SORL1: variants seen among roughly 807,000 people sequenced by gnomAD.
SORL1 encodes the protein sortilin-related receptor.
Under a neutral mutation model 273.7 loss-of-function variants are expected in SORL1, and 127 were observed. The ratio of observed to expected loss-of-function variants is 0.46; its 90% CI spans 0.40 to 0.54. SORL1 has a LOEUF of 0.54. Among genes scored for constraint, SORL1 ranks in the 20% least tolerant of loss-of-function variants. The pLI is 0.00. For synonymous variants in SORL1, 1,031 were observed against 1,067.4 expected, an observed-to-expected ratio of 0.97 and a Z score of 0.66; for missense variants, 2,494 against 2,846.1, an observed-to-expected ratio of 0.88 and a Z score of 2.81.
intron 32 of SORL1, 104 bp from the exon 33 acceptor site, chr11:121,604,089 C>T: frequency 1.4e-6 from 2 of 1,407,676 alleles, no homozygotes; most frequent in Admixed American, 1.9e-5. Flanking sequence ...TGTTTTGAAG[C>T]AGAAGCCAAT....
intron 43 of SORL1, among the ~76,000 whole-genome samples, 175 bp from the exon 44 acceptor site, chr11:121,620,889 G>A (rs1170686599): frequency 2.6e-5 from 4 of 152,220 alleles, no homozygotes; most frequent in Non-Finnish European, 5.9e-5. Flanking sequence ...GTTATTTTAA[G>A]ATTGGATCTG....
intron 44 of SORL1, among the ~76,000 whole-genome samples, chr11:121,621,489 G>A (rs888555653): frequency 2.1e-4 from 32 of 152,198 alleles, no homozygotes; most frequent in African/African-American, 7.5e-4. Flanking sequence ...AACTCCCCTC[G>A]CTGGTTTTGA....
Position 121,486,886 on chromosome 11 carries a change from G to A in SORL1, c.529-1146G>A, listed in dbSNP as rs186065023. Among the ~76,000 whole-genome samples the A allele has an allele frequency of 2.4e-3, 371 of 152,112 alleles. 1 individual carries two copies. Among genetic ancestry groups the A allele is most frequent in the Middle Eastern group, 6.8e-3 (2 of 294 alleles). The stretch of plus-strand genomic sequence containing the variant: ...TGAGGTGGGATGACCTCCTGAGCCC[G>A]GGGAGGTCAAGGCTGCACTGAGCCA... On this transcript the variant is annotated intron_variant, in intron 3 of 47. Coordinates refer to ENST00000260197, the MANE Select transcript of SORL1 (RefSeq NM_003105.6).
rs1404895635 is a variant in SORL1, at chr11:121,532,559, G to A, written c.1685+7G>A. On this transcript the variant is annotated splice_region_variant and intron_variant, in intron 12 of 47. Transcript: ENST00000260197. Reference sequence around the variant, plus strand: ...TGGAAACCAACGAGCTAAAGTAAGTGTCTCTGATGAGGCCTTTTAACATCA... The same window carrying A: ...TGGAAACCAACGAGCTAAAGTAAGTATCTCTGATGAGGCCTTTTAACATCA... 1 of 1,612,430 alleles carries A rather than the reference G, an allele frequency of 6.2e-7. No individual in the cohort carries two copies. The highest frequency in any genetic ancestry group is 1.7e-5 in the Admixed American group (1 of 59,978).
chr11:121,514,296 G>C lies in SORL1; in HGVS notation c.1186G>C (p.Gly396Arg), dbSNP rs922509162. ...LENVLYYSPGGAGSDTLVRYF... is the reference protein window; with the variant it reads ...LENVLYYSPGRAGSDTLVRYF... ...GAACGTGCTCTATTACAGCCCAGGA[G>C]GGGCCGGCAGTGACACCTTGGTGAG... Residue 396 changes from glycine to arginine, a missense_variant, in exon 8 of 48, where the codon GGG becomes CGG. By Grantham distance (125) the Gly-to-Arg change is moderately radical (BLOSUM62 -2). Transcript: ENST00000260197. The C allele has an allele frequency of 6.2e-7, 1 of 1,614,034 alleles. No individual in the cohort carries two copies. Among genetic ancestry groups the C allele is most frequent in the Admixed American group, 1.7e-5 (1 of 59,992 alleles).
chr11:121,605,032 A>G (rs2134922704), intron 33 of SORL1, 81 bp from the exon 34 acceptor site: 1 of 1,276,230 alleles, frequency 7.8e-7, no homozygotes, highest in Non-Finnish European at 1.1e-6. Flanking sequence ...CGGCCTCCCA[A>G]AGTGCTAGGA....
At chr11:121,541,632 G>A (rs773998160) in intron 12 of SORL1, among the ~76,000 whole-genome samples, 11 of 152,158 alleles carry the variant, frequency 7.2e-5, no homozygotes, top group Non-Finnish European at 1.6e-4. Flanking sequence ...ACATGAGAAA[G>A]GTGAAAGAAA....
At chr11:121,622,999 CA>C (rs1047371564) in intron 45 of SORL1, among the ~76,000 whole-genome samples, 3 of 152,182 alleles carry the variant, frequency 2.0e-5, no homozygotes, top group Non-Finnish European at 4.4e-5. Context: ...CGTGCAATAC[CA>C]AAGCAAAGTG....
At chr11:121,462,438 T>A (rs970000512) in intron 1 of SORL1, among the ~76,000 whole-genome samples, 3 of 152,168 alleles carry the variant, frequency 2.0e-5, no homozygotes, top group African/African-American at 7.2e-5. Flanking sequence ...AGGTCTTCAG[T>A]GAAGCCTCAC....
chr11:121,631,622 C>T lies in SORL1; in HGVS notation c.*2059C>T, dbSNP rs1357594414. On this transcript the variant is annotated 3_prime_UTR_variant, in exon 48 of 48. Coordinates refer to ENST00000260197, the MANE Select transcript of SORL1 (RefSeq NM_003105.6). ...TCTGAGATGTTATTTTCAGTTATTC[C>T]ATAGGCAAGCCTTTTTACAGAGCAT... 6.6e-6 allele frequency: 1 copy of T among 152,084 alleles called. No homozygotes were observed. Among genetic ancestry groups the T allele is most frequent in the East Asian group, 1.9e-4 (1 of 5,202 alleles). The allele number at this position is 152,084 out of a possible 1,614,324, so 9.4% of individuals were successfully genotyped here.
chr11:121,526,660 G>A (rs148256204), intron 11 of SORL1, among the ~76,000 whole-genome samples: 321 of 152,186 alleles, frequency 2.1e-3, no homozygotes, highest in African/African-American at 7.4e-3. Flanking sequence ...TAGAGGTCCT[G>A]TACATCTTTT....
rs572444066 is a variant in SORL1 at position 121,604,380 on chromosome 11, C to T, written c.4651+56C>T. On this transcript the variant is annotated intron_variant, in intron 33 of 47. Coordinates refer to ENST00000260197, the MANE Select transcript of SORL1 (RefSeq NM_003105.6). ...TGGGCTGGGCTGGGAGGCTCGCTTA[C>T]CCCAGGGCCCCTCCTGTGTAGACCT... The T allele has an allele frequency of 8.8e-6, 14 of 1,592,544 alleles. No individual in the cohort carries two copies. In the Admixed American group the frequency reaches 2.2e-4, roughly 25 times the overall value.
intron 5 of SORL1, among the ~76,000 whole-genome samples, chr11:121,494,260 C>G (rs376414118): frequency 6.6e-6 from 1 of 152,088 alleles, no homozygotes; most frequent in East Asian, 1.9e-4. Context: ...AATGACATGT[C>G]GGTTAGGGGA....
intron 2 of SORL1, among the ~76,000 whole-genome samples, chr11:121,470,961 C>G (rs1861158672): frequency 6.6e-6 from 1 of 152,164 alleles, no homozygotes; most frequent in African/African-American, 2.4e-5. Flanking sequence ...AGTGTTGAGA[C>G]TACAGGCTTG....
chr11:121,577,850 G>A (rs12276224), intron 25 of SORL1, among the ~76,000 whole-genome samples: 4,353 of 152,248 alleles, frequency 0.029, 203 homozygotes, highest in African/African-American at 0.098. Context: ...GAAACAACAT[G>A]AATGTGCTAG....
chr11:121,576,642 A>G, intron 24 of SORL1: 2 of 711,944 alleles, frequency 2.8e-6, no homozygotes, highest in South Asian at 4.7e-5. Context: ...AGGAGCTTTG[A>G]AGGCTATTGC....
At chr11:121,501,512 G>A (rs774079720) in intron 6 of SORL1, among the ~76,000 whole-genome samples, 3 of 152,150 alleles carry the variant, frequency 2.0e-5, no homozygotes, top group Admixed American at 6.5e-5. Context: ...TGAAATGCCC[G>A]ACACTGGGTT....
chr11:121,553,864 A>G, intron 16 of SORL1, 73 bp from the exon 17 acceptor site: 2 of 1,426,116 alleles, frequency 1.4e-6, no homozygotes, highest in South Asian at 1.3e-5. Context: ...TGAGAAACAA[A>G]TAGGTCAGAT....
intron 17 of SORL1, 107 bp from the exon 18 acceptor site, chr11:121,555,080 C>A: frequency 2.4e-6 from 3 of 1,226,700 alleles, no homozygotes; most frequent in Non-Finnish European, 3.3e-6. Context: ...ACATCTCATC[C>A]CTTGCCAGTC....
Sources: gnomAD v4.1 joint callset for allele counts (sites outside exome capture counted in the v4.1 genomes callset) on GRCh38, gnomAD v4.1.1 for gene constraint, MANE v1.5 for transcripts, NCBI Gene and HGNC (gene_info 2026-07-23, HGNC 2026-07-21) for gene names.